Variants in MAP3K5 observed in about 807,000 individuals in gnomAD.
The protein encoded by MAP3K5 is mitogen-activated protein kinase kinase kinase 5.
A neutral mutation model predicts 158.7 loss-of-function variants in MAP3K5; 56 were observed. The ratio of observed to expected loss-of-function variants is 0.35; its 90% CI spans 0.28 to 0.44. The LOEUF is 0.44. MAP3K5 is among the 20% of genes least tolerant of loss of function. MAP3K5 has a pLI of 1.00. For synonymous variants in MAP3K5, 579 were observed against 601.7 expected (o/e 0.96, Z 0.55); for missense variants, 1,294 against 1,674.8 (o/e 0.77, Z 3.97).
chr6:136,676,632 A>G (rs1779712892), intron 7 of MAP3K5, among the ~76,000 whole-genome samples: 1 of 152,008 alleles, frequency 6.6e-6, no homozygotes, highest in African/African-American at 2.4e-5. Flanking sequence ...AAGAATTGGT[A>G]TATGATTTTT....
intron 27 of MAP3K5, 29 bp downstream of exon 27, chr6:136,562,474 G>C: frequency 8.2e-7 from 1 of 1,221,884 alleles, no homozygotes; most frequent in East Asian, 2.6e-5. Flanking sequence ...TGGCTGAACA[G>C]TATTACTATA....
chr6:136,777,741 G>A (rs923890316), intron 1 of MAP3K5, among the ~76,000 whole-genome samples: 10 of 152,048 alleles, frequency 6.6e-5, no homozygotes, highest in Admixed American at 2.0e-4. Context: ...CATTGACAAC[G>A]CATCTACTAC....
intron 7 of MAP3K5, among the ~76,000 whole-genome samples, chr6:136,676,074 A>G (rs1779690902): frequency 6.6e-6 from 1 of 152,242 alleles, no homozygotes; most frequent in Non-Finnish European, 1.5e-5. Context: ...GAATTGCTCC[A>G]TATCTGTTAA....
Position 136,663,288 on chromosome 6 carries a change from G to A in MAP3K5, c.1367-3910C>T, listed in dbSNP as rs556803106. On this transcript the variant is annotated intron_variant, in intron 8 of 29. Transcript: ENST00000359015. Reference sequence around the variant, plus strand: ...ACATCAAAATAAAACTACAATGAATGACCATATTTTCAACAATCGTTAACA... The same window carrying A: ...ACATCAAAATAAAACTACAATGAATAACCATATTTTCAACAATCGTTAACA... Among the ~76,000 whole-genome samples the A allele has an allele frequency of 3.3e-5, 5 of 152,268 alleles. No individual in the cohort carries two copies. In the East Asian group the frequency reaches 5.8e-4, roughly 18 times the overall value.
rs892243324 is a variant in MAP3K5, at chr6:136,590,775, C to T, written c.3225+1398G>A. On this transcript the variant is annotated intron_variant, in intron 23 of 29. Transcript: ENST00000359015. ...CAGGATGGTCTCGATCTCCTGACCT[C>T]GTGATCCACCCGCCTCAGCCTCCCA... Among the ~76,000 whole-genome samples the T allele has an allele frequency of 2.6e-5, 4 of 152,082 alleles. No homozygotes were observed. The South Asian group carries it at 6.2e-4, about 24-fold the overall frequency.
In MAP3K5 at chr6:136,791,864, G is replaced by C. The variant is rs376290248; in HGVS notation, c.294C>G (p.Asn98Lys). 1 of 1,613,716 alleles carries C rather than the reference G, an allele frequency of 6.2e-7. No individual in the cohort carries two copies. The highest frequency in any genetic ancestry group is 1.3e-5 in the African/African-American group (1 of 75,050). The change falls in exon 1 of 30, where the codon AAC (asparagine) becomes AAG (lysine). Residue 98 changes from asparagine to lysine, a missense_variant. By Grantham distance (94) the Asn-to-Lys change is moderately conservative. Around this residue, in one of 5 missense-constraint regions of MAP3K5, gnomAD observed 690 missense variants for 870.5 expected, o/e 0.79. Transcript: ENST00000359015. ...CCACCAGTTGCCCTTGGCTCGCTTCGTTGATCACATATGCCACCGTGGTCC... is the reference window on the plus strand; with the variant it reads ...CCACCAGTTGCCCTTGGCTCGCTTCCTTGATCACATATGCCACCGTGGTCC... The part of the protein sequence containing the change: ...SRRTTVAYVI[N>K]EASQGQLVVA...
At chr6:136,655,141 C>T (rs563932137) in intron 10 of MAP3K5, among the ~76,000 whole-genome samples, 63 of 152,216 alleles carry the variant, frequency 4.1e-4, no homozygotes, top group African/African-American at 1.4e-3. Flanking sequence ...CTAATCTAAA[C>T]GGGCTCAAAG....
At chr6:136,593,799 A>T (rs575992986) in intron 21 of MAP3K5, 1 of 393,722 alleles carries the variant, frequency 2.5e-6, no homozygotes, top group Non-Finnish European at 4.9e-6. Flanking sequence ...GCATTTTAAT[A>T]AAGAATGAAG....
chr6:136,651,698 C>A lies in MAP3K5; in HGVS notation c.1681-607G>T, dbSNP rs1441116338. 3.3e-5 allele frequency among the ~76,000 whole-genome samples: 5 copies of A among 152,202 alleles called. No individual in the cohort carries two copies. The East Asian group carries it at 9.6e-4, about 29-fold the overall frequency. On this transcript the variant is annotated intron_variant, in intron 10 of 29. Coordinates refer to ENST00000359015, the MANE Select transcript of MAP3K5 (RefSeq NM_005923.4). ...GAAACTGGCGTCTTCAATAATGATA[C>A]ATTTAGCCTTGTAAGAGAAAAAGAG... is the stretch of plus-strand genomic sequence containing the variant.
At chr6:136,778,928 G>A (rs1784501311) in intron 1 of MAP3K5, among the ~76,000 whole-genome samples, 1 of 152,222 alleles carries the variant, frequency 6.6e-6, no homozygotes, top group Non-Finnish European at 1.5e-5. Flanking sequence ...CACTTTGGGG[G>A]ACAGATGCGG....
intron 23 of MAP3K5, among the ~76,000 whole-genome samples, chr6:136,591,372 G>A (rs900044884): frequency 3.3e-5 from 5 of 152,240 alleles, no homozygotes; most frequent in Non-Finnish European, 7.3e-5. Flanking sequence ...TTTCCAGGGC[G>A]GGTGCCCGCC....
Position 136,650,196 on chromosome 6 carries a change from ATGAG to A in MAP3K5, c.1788+784_1788+787del, listed in dbSNP as rs375424257. 6.4e-3 allele frequency among the ~76,000 whole-genome samples: 973 copies of A among 152,352 alleles called. 15 individuals carry two copies. Among genetic ancestry groups the A allele is most frequent in the African/African-American group, 0.02 (849 of 41,582 alleles). ...TAAGTGCTCAATAAACATTTATTAAATGAGTAAGTTGATGAATGATGGTTAAATA... is the reference window on the plus strand; with the variant it reads ...TAAGTGCTCAATAAACATTTATTAAATAAGTTGATGAATGATGGTTAAATA... On this transcript the variant is annotated intron_variant, in intron 11 of 29. Transcript: ENST00000359015.
At chr6:136,558,778 A>G (rs754785657) in intron 29 of MAP3K5, 22 bp downstream of exon 29, 2 of 1,471,924 alleles carry the variant, frequency 1.4e-6, no homozygotes. Context: ...TTCCATAGTG[A>G]CAACAGAAAG....
In MAP3K5 at chr6:136,621,797, G is replaced by A. The variant is rs184254501; in HGVS notation, c.2150+1051C>T. On this transcript the variant is annotated intron_variant, in intron 15 of 29. Coordinates refer to ENST00000359015, the MANE Select transcript of MAP3K5 (RefSeq NM_005923.4). ...AGAATGCTTCAGCGTATTTAAAAATGGTGACTTTGCCGGGCATGGTGGCTC... is the reference window on the plus strand; with the variant it reads ...AGAATGCTTCAGCGTATTTAAAAATAGTGACTTTGCCGGGCATGGTGGCTC... Among the ~76,000 whole-genome samples the A allele has an allele frequency of 5.3e-5, 8 of 152,262 alleles. No homozygotes were observed. The East Asian group carries it at 1.5e-3, about 29-fold the overall frequency.
chr6:136,785,731 C>A (rs1428151490), intron 1 of MAP3K5, among the ~76,000 whole-genome samples: 4 of 152,192 alleles, frequency 2.6e-5, no homozygotes, highest in Non-Finnish European at 5.9e-5. Flanking sequence ...ACAGCCCCAC[C>A]ACCTTCACCA....
At chr6:136,610,693 TAA>T (rs112503301) in intron 18 of MAP3K5, among the ~76,000 whole-genome samples, 3,277 of 127,048 alleles carry the variant, frequency 0.026, 94 homozygotes, top group East Asian at 0.09. Flanking sequence ...AGTTGAGAAT[TAA>T]AAAAAAAAAA....
intron 15 of MAP3K5, among the ~76,000 whole-genome samples, chr6:136,615,582 G>C (rs543481193): frequency 2.2e-4 from 34 of 152,286 alleles, no homozygotes; most frequent in African/African-American, 7.5e-4. Context: ...GGTTCCACAG[G>C]CTGGTCTGTT....
intron 8 of MAP3K5, among the ~76,000 whole-genome samples, chr6:136,661,604 T>C (rs891485627): frequency 6.6e-6 from 1 of 152,202 alleles, no homozygotes; most frequent in African/African-American, 2.4e-5. Flanking sequence ...TTCGCCATGT[T>C]GCCCAGCCGA....
At chr6:136,592,920 C>A in intron 21 of MAP3K5, 1 of 428,668 alleles carries the variant, frequency 2.3e-6, no homozygotes, top group Admixed American at 3.3e-5. Context: ...TTTTTACTGA[C>A]TACTAATTAT....
Sources: allele counts gnomAD v4.1 joint callset (sites outside exome capture counted in the v4.1 genomes callset), GRCh38; gene constraint gnomAD v4.1.1; regional missense constraint gnomAD v4.1.1; transcripts MANE v1.5; gene names NCBI Gene and HGNC (gene_info 2026-07-23, HGNC 2026-07-21).